Variants in PSKH1 observed in about 807,000 individuals in gnomAD.
PSKH1 encodes protein serine kinase H1.
A neutral mutation model predicts 26.7 loss-of-function variants in PSKH1; 12 were observed. The observed-to-expected ratio is 0.45, with a 90% confidence interval of 0.29 to 0.73. The LOEUF (loss-of-function observed/expected upper bound fraction) is 0.73. PSKH1 is among the 30% of genes least tolerant of loss of function. PSKH1 has a pLI of 0.11. For synonymous variants in PSKH1, 213 were observed against 234.3 expected (o/e 0.91, Z 0.83); for missense variants, 431 against 595.2 (o/e 0.72, Z 2.87).
chr16:67,901,435 A>T, intron 1 of PSKH1, among the ~76,000 whole-genome samples: 1 of 151,294 alleles, frequency 6.6e-6, no homozygotes, highest in East Asian at 2.0e-4. Flanking sequence ...GGGTTCAAGC[A>T]ATTCTCCTGC....
intron 2 of PSKH1, among the ~76,000 whole-genome samples, chr16:67,926,369 A>G (rs2058216399): frequency 6.6e-6 from 1 of 152,230 alleles, no homozygotes; most frequent in African/African-American, 2.4e-5. Context: ...GCACGGGCTC[A>G]TCCAGCTCAG....
intron 2 of PSKH1, among the ~76,000 whole-genome samples, chr16:67,913,008 C>T (rs1007641133): frequency 5.3e-5 from 8 of 151,424 alleles, no homozygotes; most frequent in Non-Finnish European, 7.4e-5. Flanking sequence ...GGCAACATAG[C>T]GAGACCCCAT....
At chr16:67,896,506 C>T (rs901559339) in intron 1 of PSKH1, among the ~76,000 whole-genome samples, 9 of 147,878 alleles carry the variant, frequency 6.1e-5, no homozygotes, top group Admixed American at 3.4e-4. Flanking sequence ...CATTTCTGGT[C>T]ATCGGGGAAA....
intron 2 of PSKH1, among the ~76,000 whole-genome samples, chr16:67,925,908 C>T (rs776913321): frequency 4.6e-5 from 7 of 151,192 alleles, no homozygotes; most frequent in Non-Finnish European, 8.9e-5. Context: ...GGAGGTCAGG[C>T]GAGCCAGACT....
Position 67,928,847 on chromosome 16 carries a change from C to G in PSKH1, c.*1205C>G, listed in dbSNP as rs927094798. The G allele has an allele frequency of 6.6e-6, 1 of 152,474 alleles. No individual in the cohort carries two copies. The highest frequency in any genetic ancestry group is 1.5e-5 in the Non-Finnish European group (1 of 68,126). 9.4% of individuals were successfully genotyped at this position (152,474 alleles called of 1,614,324 possible). ...CCTCTCCCCTTCTGCTGAGCTTCTG[C>G]GCACCCCTCCCTGGAACTTAGCCAT... On this transcript the variant is annotated 3_prime_UTR_variant, in exon 3 of 3. Coordinates refer to ENST00000291041, the MANE Select transcript of PSKH1 (RefSeq NM_006742.3). The surrounding 1 kb of genome is among the most constrained non-coding windows in gnomAD (Gnocchi z 4.8).
Position 67,909,713 on chromosome 16 carries a change from C to T in PSKH1, c.957+7C>T, listed in dbSNP as rs2058167840. 1.2e-6 allele frequency: 2 copies of T among 1,606,302 alleles called. No individual in the cohort carries two copies. Among genetic ancestry groups the T allele is most frequent in the East Asian group, 4.5e-5 (2 of 44,838 alleles). On this transcript the variant is annotated splice_region_variant and intron_variant, in intron 2 of 2. Coordinates refer to ENST00000291041, the MANE Select transcript of PSKH1 (RefSeq NM_006742.3). This position sits in a 1 kb window ranked among gnomAD's most constrained non-coding sequence, Gnocchi z 7.8. Reference sequence around the variant, plus strand: ...GTACAGTTACTCTGGGGAGGTGAGTCTGTCCTGCCCCTGTCCTGGATGTTG... The same window carrying T: ...GTACAGTTACTCTGGGGAGGTGAGTTTGTCCTGCCCCTGTCCTGGATGTTG...
chr16:67,910,442 C>A (rs1053063942), intron 2 of PSKH1, among the ~76,000 whole-genome samples: 2 of 152,174 alleles, frequency 1.3e-5, no homozygotes. Context: ...ACAATGAGGA[C>A]CTCGTGTGTC....
At chr16:67,919,870 T>C (rs1052465509) in intron 2 of PSKH1, among the ~76,000 whole-genome samples, 1 of 152,188 alleles carries the variant, frequency 6.6e-6, no homozygotes, top group African/African-American at 2.4e-5. Flanking sequence ...GTCCTCTAGG[T>C]TTCCCTTTGT....
intron 1 of PSKH1, among the ~76,000 whole-genome samples, chr16:67,900,127 A>AT (rs1428209474): frequency 6.6e-6 from 1 of 151,194 alleles, no homozygotes; most frequent in Non-Finnish European, 1.5e-5. Flanking sequence ...TGCCCAGGAA[A>AT]TTTTTTTGTA....
chr16:67,898,767 C>T lies in PSKH1; in HGVS notation c.-71+5396C>T, dbSNP rs1052948226. Reference sequence around the variant, plus strand: ...CCTCCTGAGTAGCTGGGATTACAGGCATGTGCCACCACACCCAACTAATTT... The same window carrying T: ...CCTCCTGAGTAGCTGGGATTACAGGTATGTGCCACCACACCCAACTAATTT... On this transcript the variant is annotated intron_variant, in intron 1 of 2. Coordinates refer to ENST00000291041, the MANE Select transcript of PSKH1 (RefSeq NM_006742.3). Among the ~76,000 whole-genome samples, 27 of 151,938 alleles carry T rather than the reference C, an allele frequency of 1.8e-4. No individual in the cohort carries two copies. In the East Asian group the frequency reaches 4.3e-3, roughly 24 times the overall value.
chr16:67,911,023 T>C (rs956259596), intron 2 of PSKH1, among the ~76,000 whole-genome samples: 1 of 151,954 alleles, frequency 6.6e-6, no homozygotes, highest in South Asian at 2.1e-4. Flanking sequence ...GGTTGGTCCT[T>C]AGGAAGGATG....
At chr16:67,897,753 C>T (rs1027916252) in intron 1 of PSKH1, among the ~76,000 whole-genome samples, 12 of 152,330 alleles carry the variant, frequency 7.9e-5, no homozygotes, top group African/African-American at 2.2e-4. Flanking sequence ...GTGGCATAAT[C>T]ATAGCTCACT....
intron 1 of PSKH1, among the ~76,000 whole-genome samples, chr16:67,895,238 T>G (rs78454619): frequency 1.3e-5 from 2 of 151,778 alleles, no homozygotes; most frequent in African/African-American, 4.8e-5. Context: ...TTTTTTTTTT[T>G]TGTTTAAACA....
chr16:67,909,814 G>A lies in PSKH1; in HGVS notation c.957+108G>A. ...TGTCCTCAGGGCCATGCTCGTGAGG[G>A]CCAGGCAGGTCATATAAAAGGGACA... On this transcript the variant is annotated intron_variant, in intron 2 of 2. Coordinates refer to ENST00000291041, the MANE Select transcript of PSKH1 (RefSeq NM_006742.3). This position sits in a 1 kb window ranked among gnomAD's most constrained non-coding sequence, Gnocchi z 7.8. 9.7e-7 allele frequency: 1 copy of A among 1,032,822 alleles called. No homozygotes were observed. The highest frequency in any genetic ancestry group is 1.4e-6 in the Non-Finnish European group (1 of 710,068). The allele number at this position is 1,032,822 out of a possible 1,614,324, so 64.0% of individuals were successfully genotyped here.
intron 1 of PSKH1, among the ~76,000 whole-genome samples, chr16:67,896,866 G>T (rs1432037594): frequency 6.6e-6 from 1 of 152,188 alleles, no homozygotes; most frequent in Non-Finnish European, 1.5e-5. Context: ...CTGACACTGA[G>T]CTCCAGTTGC....
chr16:67,926,446 T>C (rs2058216609), intron 2 of PSKH1, among the ~76,000 whole-genome samples: 2 of 152,232 alleles, frequency 1.3e-5, no homozygotes, highest in African/African-American at 2.4e-5. Context: ...GAATAATTGC[T>C]GGAAGCACTG....
At chr16:67,924,973 ATT>A (rs57408374) in intron 2 of PSKH1, among the ~76,000 whole-genome samples, 17 of 148,350 alleles carry the variant, frequency 1.1e-4, no homozygotes, top group African/African-American at 4.2e-4. Flanking sequence ...AAATTTATTA[ATT>A]TTTTTTTTTC....
At position 67,893,295 on chromosome 16, in the gene PSKH1, C is replaced by T. The variant is rs982352977; in HGVS notation, c.-147C>T. On this transcript the variant is annotated 5_prime_UTR_variant, in exon 1 of 3. Transcript: ENST00000291041. Reference sequence around the variant, plus strand: ...CCGAGAATGGCGGCGGCGGCGGCGGCGGCGGCGGCCGCTGCCATTGCCCGG... The same window carrying T: ...CCGAGAATGGCGGCGGCGGCGGCGGTGGCGGCGGCCGCTGCCATTGCCCGG... The T allele has an allele frequency of 6.1e-6, 1 of 165,200 alleles. No individual in the cohort carries two copies. The highest frequency in any genetic ancestry group is 1.3e-5 in the Non-Finnish European group (1 of 77,666). The allele number at this position is 165,200 out of a possible 1,614,324, so 10.2% of individuals were successfully genotyped here.
At chr16:67,901,634 AT>A (rs60510650) in intron 1 of PSKH1, among the ~76,000 whole-genome samples, 21,913 of 126,328 alleles carry the variant, frequency 0.17, 1,780 homozygotes, top group African/African-American at 0.25. Flanking sequence ...TGCCCAGCCT[AT>A]TTTTTTTTTT....
Sources: gnomAD v4.1 joint callset for allele counts (sites outside exome capture counted in the v4.1 genomes callset) on GRCh38, gnomAD v4.1.1 for gene constraint, Gnocchi (gnomAD v3.1) non-coding constraint, MANE v1.5 for transcripts, NCBI Gene and HGNC (gene_info 2026-07-23, HGNC 2026-07-21) for gene names.